The following GRIA4 variants were observed in gnomAD, a reference collection of about 807,000 sequenced individuals.
GRIA4 encodes glutamate ionotropic receptor AMPA type subunit 4, also known as glutamate receptor 4.
GRIA4 carries 34 observed loss-of-function variants against 104.0 expected under a neutral mutation model. The ratio of observed to expected loss-of-function variants is 0.33; its 90% confidence interval spans 0.25 to 0.44. The LOEUF is 0.44. Among genes scored for constraint, GRIA4 ranks in the 20% least tolerant of loss-of-function variants. The probability of loss-of-function intolerance (pLI) is 1.00; values close to 1 mark genes in which losing one functional copy is unlikely to be tolerated. For synonymous variants in GRIA4, 386 were observed against 381.9 expected (o/e 1.01, Z -0.13); for missense variants, 750 against 1,096.5 (o/e 0.68, Z 4.46).
At chr11:105,935,620 TA>T (rs1220128479) in intron 14 of GRIA4, among the ~76,000 whole-genome samples, 2 of 152,188 alleles carry the variant, frequency 1.3e-5, no homozygotes, top group Non-Finnish European at 2.9e-5. Context: ...GATTGATATG[TA>T]GATCAGTGTT....
intron 1 of GRIA4, 49 bp downstream of exon 1, chr11:105,610,477 C>G (rs1175383696): frequency 6.4e-6 from 1 of 155,288 alleles, no homozygotes; most frequent in African/African-American, 2.4e-5. Context: ...GAGGGGCGTG[C>G]GGAGGGAGTG....
At chr11:105,904,477 A>G (rs190849956) in intron 8 of GRIA4, among the ~76,000 whole-genome samples, 1 of 152,314 alleles carries the variant, frequency 6.6e-6, no homozygotes, top group Admixed American at 6.5e-5. Flanking sequence ...GCTAACCACA[A>G]GGGGTTCAGG....
intron 4 of GRIA4, among the ~76,000 whole-genome samples, chr11:105,760,097 C>G (rs1343500845): frequency 6.6e-6 from 1 of 152,082 alleles, no homozygotes; most frequent in Non-Finnish European, 1.5e-5. Flanking sequence ...TTAAATATCC[C>G]ATTTGTATCA....
chr11:105,970,829 G>A (rs1274897933), intron 14 of GRIA4, among the ~76,000 whole-genome samples: 1 of 152,174 alleles, frequency 6.6e-6, no homozygotes, highest in African/African-American at 2.4e-5. Context: ...AAAAGATCCT[G>A]AAACTTTCTG....
At chr11:105,948,258 G>C (rs191009862) in intron 14 of GRIA4, among the ~76,000 whole-genome samples, 2 of 152,278 alleles carry the variant, frequency 1.3e-5, no homozygotes, top group East Asian at 3.9e-4. Flanking sequence ...TAAGTGATAA[G>C]AGCAACATCC....
In GRIA4 at chr11:105,647,817, G is replaced by C. The variant is rs1326697342; in HGVS notation, c.247+35383G>C. ...GGAGGGTGCAGTGTAGGAGGAGGAA[G>C]AGGATCAGGCACGTGCCTGTAGTCC... On this transcript the variant is annotated intron_variant, in intron 3 of 16. Coordinates refer to ENST00000282499, the MANE Select transcript of GRIA4 (RefSeq NM_000829.4). Among the ~76,000 whole-genome samples, 3 of 152,182 alleles carry C rather than the reference G, an allele frequency of 2.0e-5. No homozygotes were observed. In the East Asian group the frequency reaches 5.8e-4, roughly 30 times the overall value.
chr11:105,938,464 CTT>C (rs903336599), intron 14 of GRIA4, among the ~76,000 whole-genome samples: 5 of 152,234 alleles, frequency 3.3e-5, no homozygotes, highest in African/African-American at 1.2e-4. Flanking sequence ...AATGAAGAAA[CTT>C]TTAACATGCG....
intron 4 of GRIA4, among the ~76,000 whole-genome samples, chr11:105,776,173 C>T (rs999994794): frequency 6.6e-6 from 1 of 151,954 alleles, no homozygotes; most frequent in African/African-American, 2.4e-5. Flanking sequence ...TACATAACTA[C>T]TAAAGAATAA....
chr11:105,822,867 A>C (rs1026826761), intron 4 of GRIA4, among the ~76,000 whole-genome samples: 2 of 152,138 alleles, frequency 1.3e-5, no homozygotes, highest in Admixed American at 6.6e-5. Flanking sequence ...GCAAGGACTG[A>C]GTAGAGTGTA....
chr11:105,902,747 C>T (rs1946904211), intron 7 of GRIA4, among the ~76,000 whole-genome samples: 1 of 152,150 alleles, frequency 6.6e-6, no homozygotes, highest in South Asian at 2.1e-4. Flanking sequence ...CTCAAACAGG[C>T]ATGGAAGGTG....
intron 3 of GRIA4, among the ~76,000 whole-genome samples, chr11:105,704,845 T>C (rs1953635834): frequency 6.6e-6 from 1 of 152,176 alleles, no homozygotes; most frequent in Non-Finnish European, 1.5e-5. Context: ...CCCATGTTAG[T>C]TTATGAATTT....
At chr11:105,868,580 T>G (rs1190350924) in intron 5 of GRIA4, among the ~76,000 whole-genome samples, 1 of 152,132 alleles carries the variant, frequency 6.6e-6, no homozygotes, top group African/African-American at 2.4e-5. Flanking sequence ...TTAAGGGAAG[T>G]CTTCAATTAC....
rs199850350 is a variant in GRIA4, at chr11:105,981,956, AC to A, written c.*2218del. The A allele has an allele frequency of 0.066, 10,015 of 152,490 alleles. 450 individuals are homozygous for A. Among genetic ancestry groups the A allele is most frequent in the East Asian group, 0.15 (782 of 5,162 alleles). 9.4% of individuals were successfully genotyped at this position (152,490 alleles called of 1,614,324 possible). On this transcript the variant is annotated 3_prime_UTR_variant, in exon 17 of 17. Transcript: ENST00000282499. ...CATACTGCGTTGTAATTGCCTGTGT[AC>A]TCGTCTGTATAACTACTAGACTGTA...
chr11:105,686,492 G>A lies in GRIA4; in HGVS notation c.248-66489G>A, dbSNP rs79363887. 1.0e-3 allele frequency among the ~76,000 whole-genome samples: 154 copies of A among 152,314 alleles called. 1 individual carries two copies. Among genetic ancestry groups the A allele is most frequent in the Non-Finnish European group, 3.5e-4 (24 of 68,024 alleles). ...TCAACCCTTGATGGGCAAGTAGGTT[G>A]ACTGCATGTCTTTGCTATTGTGAAT... is the stretch of plus-strand genomic sequence containing the variant. On this transcript the variant is annotated intron_variant, in intron 3 of 16. Coordinates refer to ENST00000282499, the MANE Select transcript of GRIA4 (RefSeq NM_000829.4).
intron 3 of GRIA4, among the ~76,000 whole-genome samples, chr11:105,699,714 G>A (rs970828881): frequency 6.6e-6 from 1 of 151,950 alleles, no homozygotes; most frequent in African/African-American, 2.4e-5. Flanking sequence ...CCATGGACAC[G>A]CACGGGGCTC....
chr11:105,623,774 T>TA (rs1456370376), intron 3 of GRIA4, among the ~76,000 whole-genome samples: 3 of 152,084 alleles, frequency 2.0e-5, no homozygotes, highest in Non-Finnish European at 2.9e-5. Flanking sequence ...ATCTTTTTTT[T>TA]ATCACAATCT....
intron 5 of GRIA4, among the ~76,000 whole-genome samples, chr11:105,863,817 G>T (rs1010299544): frequency 6.6e-6 from 1 of 152,156 alleles, no homozygotes. Context: ...TCTGGAGGAG[G>T]CAATTGAGTG....
chr11:105,700,283 G>T (rs1459288616), intron 3 of GRIA4, among the ~76,000 whole-genome samples: 1 of 152,184 alleles, frequency 6.6e-6, no homozygotes, highest in Non-Finnish European at 1.5e-5. Flanking sequence ...TGTAACACTT[G>T]AACCTCAGAT....
chr11:105,774,619 C>T (rs1222178383), intron 4 of GRIA4, among the ~76,000 whole-genome samples: 1 of 151,986 alleles, frequency 6.6e-6, no homozygotes, highest in African/African-American at 2.4e-5. Flanking sequence ...TGCCTTCTTA[C>T]CAGATGTTAC....
Sources: gnomAD v4.1 joint callset for allele counts (sites outside exome capture counted in the v4.1 genomes callset) on GRCh38, gnomAD v4.1.1 for gene constraint, MANE v1.5 for transcripts, NCBI Gene and HGNC (gene_info 2026-07-23, HGNC 2026-07-21) for gene names.